The following ADK variants were observed in gnomAD, a reference collection of about 807,000 sequenced individuals.
The protein encoded by ADK is adenosine kinase.
In ADK, 24 loss-of-function variants were observed where a neutral mutation model predicts 44.7. The ratio of observed to expected loss-of-function variants is 0.54; its 90% CI spans 0.39 to 0.76. The LOEUF (loss-of-function observed/expected upper bound fraction) is 0.76, where lower values mean the gene tolerates loss of function less well. ADK is among the 30% of genes least tolerant of loss of function. ADK has a pLI of 0.00. For synonymous variants in ADK, 128 were observed against 142.6 expected, an observed-to-expected ratio of 0.90 and a Z score of 0.73; for missense variants, 321 against 425.1, an observed-to-expected ratio of 0.76 and a Z score of 2.15.
At chr10:74,205,675 C>CAAAAAAA (rs11419041) in intron 2 of ADK, among the ~76,000 whole-genome samples, 11 of 85,290 alleles carry the variant, frequency 1.3e-4, no homozygotes, top group Admixed American at 2.8e-4. Flanking sequence ...GAATCTGTCT[C>CAAAAAAA]AAAAAAAAAA....
At chr10:74,249,475 T>C (rs535904961) in intron 3 of ADK, among the ~76,000 whole-genome samples, 380 of 149,010 alleles carry the variant, frequency 2.6e-3, no homozygotes, top group Non-Finnish European at 4.4e-3. Flanking sequence ...TGTTGTTTTA[T>C]TGTATATGCA....
intron 4 of ADK, among the ~76,000 whole-genome samples, chr10:74,363,430 TG>T: frequency 6.6e-6 from 1 of 152,164 alleles, no homozygotes; most frequent in Non-Finnish European, 1.5e-5. Flanking sequence ...CCCTGGGATC[TG>T]CTGTTGGATG....
At chr10:74,199,521 T>C (rs1196279341) in intron 1 of ADK, among the ~76,000 whole-genome samples, 1 of 152,160 alleles carries the variant, frequency 6.6e-6, no homozygotes, top group Non-Finnish European at 1.5e-5. Flanking sequence ...CATGATTTCG[T>C]TCTTTTTTTA....
chr10:74,554,884 T>G (rs2133796419), intron 7 of ADK, among the ~76,000 whole-genome samples: 1 of 152,344 alleles, frequency 6.6e-6, no homozygotes, highest in East Asian at 1.9e-4. Flanking sequence ...TATATGCAAA[T>G]GTAGCTTATT....
At chr10:74,659,000 G>A (rs140208825) in intron 9 of ADK, among the ~76,000 whole-genome samples, 1 of 152,142 alleles carries the variant, frequency 6.6e-6, no homozygotes, top group African/African-American at 2.4e-5. Context: ...AGGATCACTT[G>A]AGCCTAGAAG....
In ADK at chr10:74,622,899, C is replaced by T. The variant is rs377138790; in HGVS notation, c.877+22406C>T. ...GTGCATGCCTGTAATCCCAGCTACT[C>T]GGGAGGCTGAGGCAGGAGAATCGTT... On this transcript the variant is annotated intron_variant, in intron 9 of 10. Transcript: ENST00000539909. 8.5e-5 allele frequency among the ~76,000 whole-genome samples: 13 copies of T among 152,072 alleles called. No individual in the cohort carries two copies. The East Asian group carries it at 1.7e-3, about 20-fold the overall frequency.
rs532317884 is a variant in ADK at position 74,494,001 on chromosome 10, A to G, written c.556-31255A>G. On this transcript the variant is annotated intron_variant, in intron 6 of 10. Coordinates refer to ENST00000539909, the MANE Select transcript of ADK (RefSeq NM_006721.4). ...ACTTGTTGTAATGTGGTCATTTAAT[A>G]GGAGAGAAACTTAGAGACATGGTAA... Among the ~76,000 whole-genome samples the G allele has an allele frequency of 1.8e-4, 27 of 152,290 alleles. No individual in the cohort carries two copies. In the South Asian group the frequency reaches 5.2e-3, roughly 29 times the overall value.
Position 74,163,060 on chromosome 10 carries a change from C to T in ADK, c.65+11717C>T, listed in dbSNP as rs551812007. On this transcript the variant is annotated intron_variant, in intron 1 of 10. Coordinates refer to ENST00000539909, the MANE Select transcript of ADK (RefSeq NM_006721.4). ...TCGGCTCACTGCAGCCTCCACCTTC[C>T]GGGTTCAAGCGATTCTCCTGCCTCA... 2.2e-4 allele frequency among the ~76,000 whole-genome samples: 33 copies of T among 152,054 alleles called. 1 individual carries two copies. The highest frequency in any genetic ancestry group is 1.8e-3 in the Admixed American group (27 of 15,278).
At chr10:74,379,188 A>G (rs1431328915) in intron 4 of ADK, among the ~76,000 whole-genome samples, 2 of 152,186 alleles carry the variant, frequency 1.3e-5, no homozygotes, top group Non-Finnish European at 2.9e-5. Flanking sequence ...GGACAGCTCT[A>G]TGTGCGTGGA....
At chr10:74,339,259 C>T (rs1029614937) in intron 4 of ADK, among the ~76,000 whole-genome samples, 1 of 152,106 alleles carries the variant, frequency 6.6e-6, no homozygotes, top group Non-Finnish European at 1.5e-5. Context: ...CTGCCCTGGC[C>T]TAAATTCCTT....
chr10:74,312,942 T>TAAAAAAAAAAAAAAAAA (rs1554841587), intron 3 of ADK, among the ~76,000 whole-genome samples: 1 of 53,360 alleles, frequency 1.9e-5, no homozygotes, highest in African/African-American at 5.4e-5. Context: ...AAAAAAAAAG[T>TAAAAAAAAAAAAAAAAA]TAATGTTTTT....
chr10:74,343,690 C>T (rs182348764), intron 4 of ADK, among the ~76,000 whole-genome samples: 2 of 152,186 alleles, frequency 1.3e-5, no homozygotes, highest in African/African-American at 2.4e-5. Flanking sequence ...CTCACTGCAA[C>T]TTCTGCCTCC....
intron 7 of ADK, among the ~76,000 whole-genome samples, chr10:74,566,139 G>A (rs1294435644): frequency 7.1e-6 from 1 of 141,438 alleles, no homozygotes; most frequent in Non-Finnish European, 1.5e-5. Context: ...CTTTCAACTT[G>A]TTTCTATGTT....
intron 9 of ADK, among the ~76,000 whole-genome samples, chr10:74,615,668 T>A (rs1166297179): frequency 6.6e-6 from 1 of 152,088 alleles, no homozygotes; most frequent in East Asian, 1.9e-4. Flanking sequence ...GGAGCTCCTT[T>A]TCATCTGCTT....
intron 6 of ADK, among the ~76,000 whole-genome samples, chr10:74,422,071 G>A (rs1844573907): frequency 6.6e-6 from 1 of 152,156 alleles, no homozygotes; most frequent in African/African-American, 2.4e-5. Context: ...GAGTTTGGAA[G>A]ACAGCGAAAT....
At chr10:74,622,788 A>C (rs1258096816) in intron 9 of ADK, among the ~76,000 whole-genome samples, 3 of 152,106 alleles carry the variant, frequency 2.0e-5, no homozygotes, top group Non-Finnish European at 4.4e-5. Context: ...CGGGAGGGTC[A>C]CCTAAGGTCG....
intron 4 of ADK, among the ~76,000 whole-genome samples, chr10:74,364,114 ATACC>A (rs1842426008): frequency 6.6e-6 from 1 of 152,212 alleles, no homozygotes; most frequent in African/African-American, 2.4e-5. Context: ...ATTACAATTC[ATACC>A]TGTACCTTCT....
At chr10:74,436,916 A>C (rs879450708) in intron 6 of ADK, among the ~76,000 whole-genome samples, 1 of 152,206 alleles carries the variant, frequency 6.6e-6, no homozygotes, top group Non-Finnish European at 1.5e-5. Flanking sequence ...GGTTGGAAAG[A>C]AGTGAAACTA....
intron 6 of ADK, among the ~76,000 whole-genome samples, chr10:74,409,610 C>A (rs796177465): frequency 1.2e-4 from 18 of 152,134 alleles, no homozygotes; most frequent in African/African-American, 4.1e-4. Context: ...TTATTTATAA[C>A]TCTGTCTTGA....
Sources: allele counts gnomAD v4.1 joint callset (sites outside exome capture counted in the v4.1 genomes callset), GRCh38; gene constraint gnomAD v4.1.1; transcripts MANE v1.5; gene names NCBI Gene and HGNC (gene_info 2026-07-23, HGNC 2026-07-21).